CDH13: variants seen among roughly 807,000 people sequenced by gnomAD.
CDH13 encodes the protein cadherin 13.
CDH13 carries 24 observed loss-of-function variants against 63.8 expected under a neutral mutation model. The ratio of observed to expected loss-of-function variants is 0.38; its 90% CI spans 0.27 to 0.53. The LOEUF is 0.53. Ranked by LOEUF, CDH13 falls within the 20% of genes least tolerant of loss-of-function variation. CDH13 has a pLI of 0.85. For missense variants in CDH13, 1,049 were observed against 903.1 expected (o/e 1.16, Z -2.07); for synonymous variants, 503 against 355.3 (o/e 1.42, Z -4.67).
intron 1 of CDH13, among the ~76,000 whole-genome samples, chr16:82,683,686 G>A (rs948510143): frequency 6.6e-6 from 1 of 152,132 alleles, no homozygotes; most frequent in Non-Finnish European, 1.5e-5. Flanking sequence ...ATTAGGAAAT[G>A]GTTGTCTTAC....
At chr16:83,680,776 A>G (rs567405145) in intron 10 of CDH13, among the ~76,000 whole-genome samples, 1 of 152,086 alleles carries the variant, frequency 6.6e-6, no homozygotes. Flanking sequence ...CCCAACTCAC[A>G]GTGACTTATG....
intron 3 of CDH13, among the ~76,000 whole-genome samples, chr16:83,067,924 C>G (rs1479514481): frequency 2.6e-5 from 4 of 152,224 alleles, no homozygotes; most frequent in South Asian, 2.1e-4. Context: ...GAAGGAGGAC[C>G]TATGAAAAAT....
rs72797204 is a variant in CDH13, at chr16:83,667,469, A to T, written c.1102-3321A>T. Among the ~76,000 whole-genome samples the T allele has an allele frequency of 1.3e-3, 197 of 151,924 alleles. 1 individual carries two copies. Among genetic ancestry groups the T allele is most frequent in the East Asian group, 8.6e-3 (44 of 5,146 alleles). ...CATCCACCCATCCGTCTATCCATCT[A>T]TCTGTCCACCCATCCATCCATCCGT... On this transcript the variant is annotated intron_variant, in intron 8 of 13. Coordinates refer to ENST00000567109, the MANE Select transcript of CDH13 (RefSeq NM_001257.5).
intron 2 of CDH13, among the ~76,000 whole-genome samples, chr16:82,984,675 T>C (rs1489302035): frequency 2.0e-5 from 3 of 152,218 alleles, no homozygotes; most frequent in Non-Finnish European, 4.4e-5. Flanking sequence ...GATGGAAAGA[T>C]TGAGGCATCA....
At chr16:83,386,017 G>C (rs1441953597) in intron 6 of CDH13, among the ~76,000 whole-genome samples, 1 of 152,210 alleles carries the variant, frequency 6.6e-6, no homozygotes, top group Non-Finnish European at 1.5e-5. Flanking sequence ...AGCTATGGGT[G>C]CTTGGACAAA....
intron 1 of CDH13, among the ~76,000 whole-genome samples, chr16:82,671,587 G>C (rs1361885072): frequency 6.6e-6 from 1 of 152,210 alleles, no homozygotes; most frequent in African/African-American, 2.4e-5. Context: ...ACATAGGTTT[G>C]TTTTTCTCAC....
At chr16:82,741,544 G>T (rs1041279654) in intron 1 of CDH13, among the ~76,000 whole-genome samples, 4 of 152,094 alleles carry the variant, frequency 2.6e-5, no homozygotes, top group African/African-American at 9.7e-5. Context: ...TGAAGATGGG[G>T]GTCCATGCCT....
At chr16:83,212,259 C>T (rs906920099) in intron 4 of CDH13, among the ~76,000 whole-genome samples, 3 of 152,124 alleles carry the variant, frequency 2.0e-5, no homozygotes, top group African/African-American at 4.8e-5. Context: ...GCATACCTCC[C>T]ATCCCCCAGT....
chr16:83,690,270 G>A (rs576501643), intron 10 of CDH13, among the ~76,000 whole-genome samples: 1 of 152,228 alleles, frequency 6.6e-6, no homozygotes, highest in Non-Finnish European at 1.5e-5. Context: ...AAGTAGCATA[G>A]TAACTGGTGA....
At chr16:83,261,114 G>A (rs939081433) in intron 5 of CDH13, among the ~76,000 whole-genome samples, 17 of 152,116 alleles carry the variant, frequency 1.1e-4, no homozygotes, top group African/African-American at 3.9e-4. Context: ...GGAGAACAGG[G>A]CATCTTGACT....
At chr16:83,497,620 C>A (rs755992807) in intron 7 of CDH13, among the ~76,000 whole-genome samples, 12 of 151,930 alleles carry the variant, frequency 7.9e-5, no homozygotes, top group Admixed American at 2.0e-4. Context: ...ATGTAACTAA[C>A]CTGCACAATG....
At chr16:83,138,973 C>T (rs1035075989) in intron 4 of CDH13, among the ~76,000 whole-genome samples, 1 of 152,118 alleles carries the variant, frequency 6.6e-6, no homozygotes, top group Non-Finnish European at 1.5e-5. Context: ...GACATTATGC[C>T]TCTATAGGAC....
At chr16:83,083,249 A>G (rs2033374983) in intron 3 of CDH13, among the ~76,000 whole-genome samples, 1 of 152,218 alleles carries the variant, frequency 6.6e-6, no homozygotes, top group African/African-American at 2.4e-5. Context: ...GAAGAGCCCA[A>G]CTGGTGTTTT....
At chr16:83,686,439 A>G (rs1000852054) in intron 10 of CDH13, among the ~76,000 whole-genome samples, 4 of 152,234 alleles carry the variant, frequency 2.6e-5, no homozygotes, top group South Asian at 2.1e-4. Context: ...ACCTGAATAC[A>G]TAGTCTATTG....
chr16:82,797,780 TG>T (rs1157053816), intron 1 of CDH13, among the ~76,000 whole-genome samples: 3 of 149,340 alleles, frequency 2.0e-5, no homozygotes, highest in East Asian at 3.9e-4. Context: ...GGGCCGTGTG[TG>T]TGTGTGTGTG....
At chr16:83,071,355 C>G (rs552912823) in intron 3 of CDH13, among the ~76,000 whole-genome samples, 104 of 152,262 alleles carry the variant, frequency 6.8e-4, no homozygotes, top group Non-Finnish European at 1.2e-3. Flanking sequence ...GACTGGGAAT[C>G]AAGGAGGTTA....
At chr16:82,930,018 A>T (rs962593688) in intron 2 of CDH13, among the ~76,000 whole-genome samples, 3 of 150,720 alleles carry the variant, frequency 2.0e-5, no homozygotes, top group African/African-American at 7.3e-5. Flanking sequence ...ATGACTTCTA[A>T]TAAAATGCAT....
At chr16:83,611,222 T>G (rs75605764) in intron 8 of CDH13, among the ~76,000 whole-genome samples, 1 of 152,158 alleles carries the variant, frequency 6.6e-6, no homozygotes, top group Non-Finnish European at 1.5e-5. Context: ...CAATTTTTTT[T>G]TTACACTCTG....
At chr16:83,117,401 T>C (rs1481156299) in intron 3 of CDH13, among the ~76,000 whole-genome samples, 1 of 110,850 alleles carries the variant, frequency 9.0e-6, no homozygotes, top group African/African-American at 3.0e-5. Flanking sequence ...CATCTTCCAC[T>C]GCCATCTCCT....
Sources: allele counts gnomAD v4.1 joint callset (sites outside exome capture counted in the v4.1 genomes callset), GRCh38; gene constraint gnomAD v4.1.1; transcripts MANE v1.5; gene names NCBI Gene and HGNC (gene_info 2026-07-23, HGNC 2026-07-21).